Variants in FRMD4B observed in about 807,000 individuals in gnomAD.
FRMD4B encodes FERM domain-containing protein 4B.
Under a neutral mutation model 141.5 loss-of-function variants are expected in FRMD4B, and 74 were observed. That is an observed-to-expected ratio of 0.52 (90% CI 0.43 to 0.63). FRMD4B has a LOEUF of 0.63. Ranked by LOEUF, FRMD4B falls within the 30% of genes least tolerant of loss-of-function variation. The probability of loss-of-function intolerance (pLI) is 0.00; values close to 1 mark genes in which losing one functional copy is unlikely to be tolerated. For synonymous variants in FRMD4B, 506 were observed against 467.9 expected, an observed-to-expected ratio of 1.08 and a Z score of -1.05; for missense variants, 1,366 against 1,253.4, an observed-to-expected ratio of 1.09 and a Z score of -1.36.
Position 69,484,619 on chromosome 3 carries a change from G to A in FRMD4B, c.-128-51858C>T, listed in dbSNP as rs560464415. 3.9e-5 allele frequency among the ~76,000 whole-genome samples: 6 copies of A among 152,218 alleles called. No individual in the cohort carries two copies. In the East Asian group the frequency reaches 1.2e-3, roughly 29 times the overall value. ...CAGCAGAGAGGAGTCCCTGGAGAGGGTTGCTACTTTCTACAGCTGGTGTTC... is the reference window on the plus strand; with the variant it reads ...CAGCAGAGAGGAGTCCCTGGAGAGGATTGCTACTTTCTACAGCTGGTGTTC... On this transcript the variant is annotated intron_variant, in intron 1 of 5. Coordinates refer to the FRMD4B transcript ENST00000459638.
At chr3:69,400,394 A>C (rs1012608237) in intron 2 of FRMD4B, among the ~76,000 whole-genome samples, 10 of 152,134 alleles carry the variant, frequency 6.6e-5, no homozygotes, top group Non-Finnish European at 1.2e-4. Flanking sequence ...AAGAAAAAAA[A>C]AAAGTGTACC....
intron 7 of FRMD4B, among the ~76,000 whole-genome samples, chr3:69,232,237 G>C (rs1166606802): frequency 6.6e-6 from 1 of 152,120 alleles, no homozygotes; most frequent in African/African-American, 2.4e-5. Flanking sequence ...TGAGGGACTG[G>C]TTTCTCCGGG....
chr3:69,211,997 G>C (rs2093084860), intron 11 of FRMD4B, among the ~76,000 whole-genome samples: 1 of 148,832 alleles, frequency 6.7e-6, no homozygotes, highest in Admixed American at 6.9e-5. Context: ...AAGAAGAAAG[G>C]AAGAAATAAA....
chr3:69,183,772 G>A (rs904814243), intron 19 of FRMD4B, among the ~76,000 whole-genome samples: 3 of 151,274 alleles, frequency 2.0e-5, no homozygotes, highest in Admixed American at 6.6e-5. Context: ...GTGAGCCACC[G>A]CGCCCAGCCT....
intron 1 of FRMD4B, among the ~76,000 whole-genome samples, chr3:69,344,577 T>C (rs1027374451): frequency 6.6e-6 from 1 of 152,186 alleles, no homozygotes; most frequent in Non-Finnish European, 1.5e-5. Context: ...CAAGACCACA[T>C]AGCTTGTCAG....
intron 1 of FRMD4B, among the ~76,000 whole-genome samples, chr3:69,384,994 A>G (rs13099017): frequency 6.6e-6 from 1 of 152,042 alleles, no homozygotes; most frequent in Non-Finnish European, 1.5e-5. Flanking sequence ...ATTTCTAAAC[A>G]ATGCAGATTT....
intron 1 of FRMD4B, chr3:69,321,026 G>A (rs917850191): frequency 6.6e-6 from 1 of 152,306 alleles, no homozygotes; most frequent in South Asian, 2.1e-4. Flanking sequence ...AGTAAGAATT[G>A]GCTATAAGCC....
chr3:69,197,700 T>A (rs2092922971), intron 12 of FRMD4B: 1 of 152,186 alleles, frequency 6.6e-6, no homozygotes, highest in Non-Finnish European at 1.5e-5. Flanking sequence ...TGTGTGTGTG[T>A]GACGTGGTAC....
At chr3:69,277,224 G>A (rs1249070087) in intron 5 of FRMD4B, among the ~76,000 whole-genome samples, 1 of 152,050 alleles carries the variant, frequency 6.6e-6, no homozygotes, top group East Asian at 1.9e-4. Flanking sequence ...GCCCCATGAA[G>A]CCTACTAAAG....
At chr3:69,224,947 T>C (rs940382288) in intron 7 of FRMD4B, among the ~76,000 whole-genome samples, 2 of 152,200 alleles carry the variant, frequency 1.3e-5, no homozygotes, top group African/African-American at 2.4e-5. Flanking sequence ...ATTTTTCACA[T>C]TGTATTTTTA....
intron 2 of FRMD4B, among the ~76,000 whole-genome samples, chr3:69,421,601 G>A (rs1361728976): frequency 1.3e-5 from 2 of 152,188 alleles, no homozygotes; most frequent in African/African-American, 4.8e-5. Context: ...GAGTCTAGAT[G>A]TGCCTTGTCC....
intron 1 of FRMD4B, among the ~76,000 whole-genome samples, chr3:69,521,303 C>G (rs1700850213): frequency 6.6e-6 from 1 of 152,172 alleles, no homozygotes; most frequent in Admixed American, 6.5e-5. Context: ...TCTTGGCAGT[C>G]TCTTCTATTG....
intron 1 of FRMD4B, among the ~76,000 whole-genome samples, chr3:69,485,974 G>C (rs1166679452): frequency 6.6e-6 from 1 of 152,184 alleles, no homozygotes; most frequent in Non-Finnish European, 1.5e-5. Context: ...ATGTATTCTA[G>C]AATATTATAA....
At chr3:69,227,853 A>G (rs80130532) in intron 7 of FRMD4B, among the ~76,000 whole-genome samples, 5,183 of 151,978 alleles carry the variant, frequency 0.034, 122 homozygotes, top group East Asian at 0.11. Context: ...TTGACTATAG[A>G]CTTTTGCAAC....
chr3:69,480,590 G>A (rs1706102911), intron 1 of FRMD4B, among the ~76,000 whole-genome samples: 1 of 152,042 alleles, frequency 6.6e-6, no homozygotes, highest in Admixed American at 6.5e-5. Flanking sequence ...AGGAATACCC[G>A]GCCGTGTGAG....
chr3:69,500,956 C>A (rs566928079), intron 1 of FRMD4B, among the ~76,000 whole-genome samples: 2 of 152,106 alleles, frequency 1.3e-5, no homozygotes, highest in South Asian at 2.1e-4. Flanking sequence ...TGTACACACG[C>A]CCCTCCTACC....
intron 1 of FRMD4B, among the ~76,000 whole-genome samples, chr3:69,458,152 A>T (rs116550684): frequency 0.018 from 2,791 of 152,308 alleles, 39 homozygotes; most frequent in Non-Finnish European, 0.028. Flanking sequence ...GCAAATGGCA[A>T]ATTAATAACA....
chr3:69,400,951 C>T (rs1437975994), intron 2 of FRMD4B, among the ~76,000 whole-genome samples: 1 of 152,162 alleles, frequency 6.6e-6, no homozygotes, highest in Non-Finnish European at 1.5e-5. Context: ...AGTCTGTTAA[C>T]TGATTAACTA....
chr3:69,351,132 T>C (rs146727151), intron 1 of FRMD4B, among the ~76,000 whole-genome samples: 96 of 152,308 alleles, frequency 6.3e-4, no homozygotes, highest in African/African-American at 2.2e-3. Context: ...CTTTCTTAGA[T>C]TGCTGTTATT....
Sources: allele counts gnomAD v4.1 joint callset (sites outside exome capture counted in the v4.1 genomes callset), GRCh38; gene constraint gnomAD v4.1.1; transcripts MANE v1.5; gene names NCBI Gene and HGNC (gene_info 2026-07-23, HGNC 2026-07-21).